TRPC4AP: variants seen among roughly 807,000 people sequenced by gnomAD.
TRPC4AP encodes the protein short transient receptor potential channel 4-associated protein.
In TRPC4AP, 45 loss-of-function variants were observed where a neutral mutation model predicts 99.0. That is an observed-to-expected ratio of 0.45 (90% CI 0.36 to 0.58). The LOEUF (loss-of-function observed/expected upper bound fraction) is 0.58, where lower values mean the gene tolerates loss of function less well. Ranked by LOEUF, TRPC4AP falls within the 20% of genes least tolerant of loss-of-function variation. TRPC4AP has a pLI of 0.00. For synonymous variants in TRPC4AP, 408 were observed against 385.8 expected, an observed-to-expected ratio of 1.06 and a Z score of -0.67; for missense variants, 879 against 985.3, an observed-to-expected ratio of 0.89 and a Z score of 1.44.
intron 8 of TRPC4AP, among the ~76,000 whole-genome samples, chr20:35,024,019 C>T (rs935514899): frequency 1.3e-5 from 2 of 152,186 alleles, no homozygotes; most frequent in African/African-American, 4.8e-5. Context: ...GATGGGAAAA[C>T]CAGCTCACGA....
chr20:35,084,702 A>G (rs9647044), intron 1 of TRPC4AP, among the ~76,000 whole-genome samples: 2 of 137,928 alleles, frequency 1.5e-5, no homozygotes, highest in Non-Finnish European at 3.1e-5. Context: ...ATATGTGTAT[A>G]TGTATATATG....
intron 13 of TRPC4AP, among the ~76,000 whole-genome samples, chr20:35,008,175 G>A (rs946121938): frequency 1.3e-5 from 2 of 152,186 alleles, no homozygotes; most frequent in African/African-American, 4.8e-5. Flanking sequence ...CCTCCTGACA[G>A]CTCACGCCCG....
chr20:35,035,066 G>T (rs2083288004), intron 8 of TRPC4AP, 57 bp downstream of exon 8: 1 of 1,525,730 alleles, frequency 6.6e-7, no homozygotes, highest in Admixed American at 2.0e-5. Context: ...GAGCAAGAAT[G>T]GTCCCAGGCG....
In TRPC4AP at chr20:35,078,027, C is replaced by G. The variant is rs1368968149; in HGVS notation, c.297+19G>C. 1.3e-6 allele frequency: 2 copies of G among 1,598,212 alleles called. No homozygotes were observed. The highest frequency in any genetic ancestry group is 4.5e-5 in the East Asian group (2 of 44,566). ...CCTAGAGGCCCTGAATACGCCCCTC[C>G]AAGGTCCTTAAGAGTTACCTTGAGG... On this transcript the variant is annotated intron_variant, in intron 2 of 18. Coordinates refer to ENST00000252015, the MANE Select transcript of TRPC4AP (RefSeq NM_015638.3).
At chr20:35,003,366 G>C (rs532450467) in intron 18 of TRPC4AP, 44 bp downstream of exon 18, 1 of 1,603,610 alleles carries the variant, frequency 6.2e-7, no homozygotes, top group South Asian at 1.1e-5. Context: ...AGAGGCCCTG[G>C]GTCCGCGGCC....
In TRPC4AP at chr20:35,010,258, C is replaced by T. The variant is rs367725575; in HGVS notation, c.1440G>A (p.Glu480=). The change falls in exon 12 of 19, where the codon GAG becomes GAA. Residue 480 remains glutamate (E), a synonymous_variant. Coordinates refer to ENST00000252015, the MANE Select transcript of TRPC4AP (RefSeq NM_015638.3). Reference sequence around the variant, plus strand: ...GAGAGATGGCACTGAGTTCATTCAGCTCCTGGTTGTTGAGTAACAAGTACT... The same window carrying T: ...GAGAGATGGCACTGAGTTCATTCAGTTCCTGGTTGTTGAGTAACAAGTACT... The part of the protein sequence containing the change: ...ENKYLLLNNQ[E]LNELSAISLK... 4.3e-5 allele frequency: 70 copies of T among 1,614,098 alleles called. No homozygotes were observed. The highest frequency in any genetic ancestry group is 5.2e-5 in the Non-Finnish European group (61 of 1,180,046).
intron 1 of TRPC4AP, among the ~76,000 whole-genome samples, chr20:35,087,378 T>C (rs979892004): frequency 6.8e-6 from 1 of 147,522 alleles, no homozygotes; most frequent in Non-Finnish European, 1.5e-5. Flanking sequence ...AGAAAAAATA[T>C]AAAGTAAGGA....
intron 8 of TRPC4AP, among the ~76,000 whole-genome samples, chr20:35,023,221 C>A (rs114202248): frequency 1.3e-5 from 2 of 152,232 alleles, no homozygotes; most frequent in East Asian, 1.9e-4. Context: ...ATTCACTAGC[C>A]GGGTGGTCTT....
Position 35,006,529 on chromosome 20 carries a change from A to G in TRPC4AP, c.1733T>C (p.Val578Ala). The stretch of plus-strand genomic sequence containing the variant: ...CAGGAGGTCAAAGTAACTCTGGAGC[A>G]CATCCCTTGACTTACACTCGCTGTC... ...IVDSECKSRD[V>A]LQSYFDLLGE... is the part of the protein sequence containing the mutation. The change falls in exon 15 of 19, where the codon GTG (valine) becomes GCG (alanine). Residue 578 changes from valine (V) to alanine (A), a missense_variant. Physicochemically the swap from Val to Ala is moderately conservative, Grantham distance 64. Coordinates refer to ENST00000252015, the MANE Select transcript of TRPC4AP (RefSeq NM_015638.3). The G allele has an allele frequency of 6.2e-7, 1 of 1,614,240 alleles. No homozygotes were observed. The highest frequency in any genetic ancestry group is 8.5e-7 in the Non-Finnish European group (1 of 1,180,044).
intron 3 of TRPC4AP, among the ~76,000 whole-genome samples, chr20:35,066,068 C>T (rs965710025): frequency 3.3e-5 from 5 of 152,056 alleles, no homozygotes; most frequent in African/African-American, 1.2e-4. Flanking sequence ...CAAAAGGAAA[C>T]TTTAATAATT....
chr20:35,045,481 C>T (rs1324280929), intron 6 of TRPC4AP, among the ~76,000 whole-genome samples: 1 of 152,146 alleles, frequency 6.6e-6, no homozygotes, highest in Non-Finnish European at 1.5e-5. Flanking sequence ...AGCAATCCTC[C>T]TACCTCAGCT....
intron 3 of TRPC4AP, among the ~76,000 whole-genome samples, chr20:35,067,524 T>C (rs1323682238): frequency 6.6e-6 from 1 of 152,174 alleles, no homozygotes; most frequent in East Asian, 1.9e-4. Context: ...GGTATGTATA[T>C]GCCTGAGAGA....
At chr20:35,089,594 T>C (rs1230431017) in intron 1 of TRPC4AP, among the ~76,000 whole-genome samples, 1 of 152,036 alleles carries the variant, frequency 6.6e-6, no homozygotes, top group Admixed American at 6.6e-5. Flanking sequence ...CTCACACCTG[T>C]AATCCCAGCA....
At chr20:35,057,637 C>T in intron 3 of TRPC4AP, 66 bp from the exon 4 acceptor site, 1 of 1,300,634 alleles carries the variant, frequency 7.7e-7, no homozygotes, top group Non-Finnish European at 1.1e-6. Context: ...ATGATTTTGC[C>T]ATAACCATTC....
At position 35,092,796 on chromosome 20, in the gene TRPC4AP, C is replaced by T. The variant is rs1375330772; in HGVS notation, c.-15G>A. On this transcript the variant is annotated 5_prime_UTR_variant, in exon 1 of 19. Coordinates refer to ENST00000252015, the MANE Select transcript of TRPC4AP (RefSeq NM_015638.3). ...GCCGCCGCCATGTCTCCTCGTCGGA[C>T]AAACAGGAAGCAAGCGGCCTCGGGG... The T allele has an allele frequency of 2.0e-6, 3 of 1,517,564 alleles. No homozygotes were observed. The highest frequency in any genetic ancestry group is 1.7e-6 in the Non-Finnish European group (2 of 1,144,694). 94.0% of individuals were successfully genotyped at this position (1,517,564 alleles called of 1,614,324 possible).
intron 1 of TRPC4AP, among the ~76,000 whole-genome samples, chr20:35,086,473 G>GTATA (rs1390070010): frequency 9.5e-5 from 10 of 105,024 alleles, no homozygotes; most frequent in South Asian, 6.3e-4. Context: ...GTGTGTGTGT[G>GTATA]TGTATGTGTG....
intron 1 of TRPC4AP, among the ~76,000 whole-genome samples, chr20:35,081,209 C>A (rs755279761): frequency 6.6e-6 from 1 of 152,100 alleles, no homozygotes; most frequent in Non-Finnish European, 1.5e-5. Flanking sequence ...TGCTAAAATG[C>A]TCCAATTAAA....
intron 7 of TRPC4AP, among the ~76,000 whole-genome samples, chr20:35,038,617 C>T (rs951524998): frequency 2.0e-5 from 3 of 152,114 alleles, no homozygotes; most frequent in Non-Finnish European, 4.4e-5. Context: ...CTCTCTCTGT[C>T]CCTCCCTCCT....
At position 35,060,589 on chromosome 20, in the gene TRPC4AP, A is replaced by G. The variant is rs1364767536; in HGVS notation, c.415-3018T>C. 7.2e-3 allele frequency among the ~76,000 whole-genome samples: 804 copies of G among 110,950 alleles called. 3 individuals are homozygous for G. The highest frequency in any genetic ancestry group is 0.017 in the Middle Eastern group (4 of 234). The allele number at this position is 110,950 out of a possible 152,430, so 72.8% of individuals were successfully genotyped here. On this transcript the variant is annotated intron_variant, in intron 3 of 18. Coordinates refer to ENST00000252015, the MANE Select transcript of TRPC4AP (RefSeq NM_015638.3). ...GTGACAGAGAGACCTTGTCTCCAAAAAAAAAAAAAAAAAAAAAAAAACAAG... is the reference window on the plus strand; with the variant it reads ...GTGACAGAGAGACCTTGTCTCCAAAGAAAAAAAAAAAAAAAAAAAAACAAG...
Sources: gnomAD v4.1 joint callset for allele counts (sites outside exome capture counted in the v4.1 genomes callset) on GRCh38, gnomAD v4.1.1 for gene constraint, MANE v1.5 for transcripts, NCBI Gene and HGNC (gene_info 2026-07-23, HGNC 2026-07-21) for gene names.